Variants in OPHN1 observed in about 807,000 individuals in gnomAD.
OPHN1 encodes the protein oligophrenin-1.
Under a neutral mutation model 60.7 loss-of-function variants are expected in OPHN1, and 11 were observed. That is an observed-to-expected ratio of 0.18 (90% confidence interval 0.11 to 0.30). The LOEUF is 0.30. OPHN1 is among the 10% of genes least tolerant of loss of function. OPHN1 has a pLI of 1.00. For synonymous variants in OPHN1, 226 were observed against 222.6 expected (o/e 1.02, Z -0.14); for missense variants, 449 against 611.0 (o/e 0.73, Z 2.80).
chrX:68,347,568 T>G (rs774715439), intron 2 of OPHN1, among the ~76,000 whole-genome samples: 102 of 111,147 alleles, frequency 9.2e-4, no homozygotes, highest in Admixed American at 3.7e-3. Flanking sequence ...TCGTCCTGCC[T>G]CAGCCTCCCA....
At chrX:68,189,801 T>C (rs1303203776) in intron 15 of OPHN1, among the ~76,000 whole-genome samples, 1 of 111,899 alleles carries the variant, frequency 8.9e-6, no homozygotes, top group Non-Finnish European at 1.9e-5. Flanking sequence ...TGATATATTT[T>C]ATTTCCCAAA....
At chrX:68,328,881 C>T (rs937803858) in intron 2 of OPHN1, among the ~76,000 whole-genome samples, 14 of 112,127 alleles carry the variant, frequency 1.2e-4, no homozygotes, top group African/African-American at 4.5e-4. Context: ...ATTTCACATC[C>T]GTCAGATTGG....
chrX:68,247,326 A>T (rs2077811281), intron 5 of OPHN1, among the ~76,000 whole-genome samples: 1 of 111,998 alleles, frequency 8.9e-6, no homozygotes, highest in African/African-American at 3.2e-5. Flanking sequence ...TTAAGGCCGT[A>T]GGCAAATTTT....
At chrX:68,183,145 C>G (rs2077446108) in intron 15 of OPHN1, among the ~76,000 whole-genome samples, 1 of 111,815 alleles carries the variant, frequency 8.9e-6, no homozygotes, top group Non-Finnish European at 1.9e-5. Flanking sequence ...AAATTCTACT[C>G]AAGATGCTGA....
At chrX:68,164,282 C>A (rs1171038536) in intron 15 of OPHN1, among the ~76,000 whole-genome samples, 2 of 112,093 alleles carry the variant, frequency 1.8e-5, no homozygotes, top group Non-Finnish European at 3.8e-5. Flanking sequence ...CTGCCCATAT[C>A]CATTAGAGGA....
At chrX:68,364,260 C>T in intron 2 of OPHN1, among the ~76,000 whole-genome samples, 1 of 111,960 alleles carries the variant, frequency 8.9e-6, no homozygotes, top group African/African-American at 3.2e-5. Context: ...TTTGATGGGA[C>T]ACTTCTAGAC....
intron 2 of OPHN1, among the ~76,000 whole-genome samples, chrX:68,357,389 C>T (rs2078446755): frequency 9.1e-6 from 1 of 110,409 alleles, no homozygotes; most frequent in African/African-American, 3.3e-5. Context: ...TCTCCTGATG[C>T]TATCCCTCCC....
intron 16 of OPHN1, among the ~76,000 whole-genome samples, chrX:68,117,777 A>G (rs2077133434): frequency 9.0e-6 from 1 of 111,564 alleles, no homozygotes; most frequent in Non-Finnish European, 1.9e-5. Context: ...ACTGGCTGGT[A>G]TATATTACAG....
intron 19 of OPHN1, among the ~76,000 whole-genome samples, chrX:68,093,998 C>G (rs1411883538): frequency 9.1e-6 from 1 of 110,088 alleles, no homozygotes; most frequent in Non-Finnish European, 1.9e-5. Context: ...TAGGCTCTAA[C>G]AGTTTTCTAT....
At chrX:68,071,166 G>A (rs2076932691) in intron 20 of OPHN1, 1 of 715,349 alleles carries the variant, frequency 1.4e-6, no homozygotes. Flanking sequence ...GTCGCTATGG[G>A]CTCTCCAAGA....
At chrX:68,163,450 GTGTGTGTGTATA>G (rs1158126834) in intron 15 of OPHN1, among the ~76,000 whole-genome samples, 7 of 87,787 alleles carry the variant, frequency 8.0e-5, no homozygotes, top group African/African-American at 3.4e-4. Context: ...GTGTGTGTGT[GTGTGTGTGTATA>G]TATACCACAA....
intron 17 of OPHN1, 33 bp from the exon 18 acceptor site, chrX:68,111,992 G>A (rs1220975270): frequency 9.8e-7 from 1 of 1,016,345 alleles, no homozygotes; most frequent in Admixed American, 2.2e-5. Context: ...AAATGGTTTG[G>A]CTTTCTGGGC....
chrX:68,140,193 A>G (rs1004886245), intron 15 of OPHN1, among the ~76,000 whole-genome samples: 3 of 111,748 alleles, frequency 2.7e-5, no homozygotes, highest in African/African-American at 9.8e-5. Context: ...TACTCTACCC[A>G]TACAGGGTCA....
intron 3 of OPHN1, among the ~76,000 whole-genome samples, chrX:68,286,006 G>C (rs906586469): frequency 9.0e-6 from 1 of 111,144 alleles, no homozygotes; most frequent in Non-Finnish European, 1.9e-5. Context: ...TCTTTGTCTA[G>C]AAAATCTAAT....
intron 2 of OPHN1, among the ~76,000 whole-genome samples, chrX:68,348,292 A>G (rs925646650): frequency 3.8e-5 from 4 of 104,662 alleles, no homozygotes; most frequent in African/African-American, 1.5e-4. Context: ...GGTGGAGGAC[A>G]TAGCCAACAA....
intron 4 of OPHN1, among the ~76,000 whole-genome samples, chrX:68,281,883 G>A (rs1433523236): frequency 8.9e-6 from 1 of 112,573 alleles, no homozygotes; most frequent in Non-Finnish European, 1.9e-5. Flanking sequence ...ACATCCGTGA[G>A]AATGGCTAAA....
Position 68,216,077 on chromosome X carries a change from A to G in OPHN1, c.487-2105T>C, listed in dbSNP as rs188173254. 2.6e-4 allele frequency among the ~76,000 whole-genome samples: 29 copies of G among 111,946 alleles called. No individual in the cohort carries two copies. In the East Asian group the frequency reaches 7.3e-3, roughly 28 times the overall value. ...ATCTTACAAATAAGTAAAAAGAATG[A>G]TAGTACCATTATAAGGGACTAAATG... On this transcript the variant is annotated intron_variant, in intron 6 of 24. Transcript: ENST00000355520.
At chrX:68,330,265 A>T (rs2078288113) in intron 2 of OPHN1, among the ~76,000 whole-genome samples, 2 of 109,305 alleles carry the variant, frequency 1.8e-5, no homozygotes, top group African/African-American at 6.7e-5. Context: ...TGCCCAGCTA[A>T]TTTTTGTATT....
chrX:68,312,031 A>T (rs957443181), intron 2 of OPHN1, among the ~76,000 whole-genome samples: 1 of 111,142 alleles, frequency 9.0e-6, no homozygotes, highest in Non-Finnish European at 1.9e-5. Context: ...TCTGATAAAA[A>T]TGAAATTAAA....
Sources: allele counts gnomAD v4.1 joint callset (sites outside exome capture counted in the v4.1 genomes callset), GRCh38; gene constraint gnomAD v4.1.1; transcripts MANE v1.5; gene names NCBI Gene and HGNC (gene_info 2026-07-23, HGNC 2026-07-21).